Variants in SLC35A5 observed in about 807,000 individuals in gnomAD.
The protein encoded by SLC35A5 is UDP-sugar transporter protein SLC35A5.
In SLC35A5, 28 loss-of-function variants were observed where a neutral mutation model predicts 36.3. The observed-to-expected ratio is 0.77, with a 90% confidence interval of 0.57 to 1.06. SLC35A5 has a LOEUF of 1.06. SLC35A5 is among the 50% of genes least tolerant of loss of function. The probability of loss-of-function intolerance (pLI) is 0.00; values close to 1 mark genes in which losing one functional copy is unlikely to be tolerated. For synonymous variants in SLC35A5, 180 were observed against 173.7 expected, an observed-to-expected ratio of 1.04 and a Z score of -0.29; for missense variants, 521 against 499.3, an observed-to-expected ratio of 1.04 and a Z score of -0.41.
rs1277010211 is a variant in SLC35A5 at position 112,569,412 on chromosome 3, G to T, written c.229+143G>T. The T allele has an allele frequency of 4.5e-6, 3 of 664,952 alleles. No homozygotes were observed. In the Admixed American group the frequency reaches 8.5e-5, roughly 19 times the overall value. The allele number at this position is 664,952 out of a possible 1,614,324, so 41.2% of individuals were successfully genotyped here. A position where few individuals can be genotyped will look rare whatever the true frequency, so the allele number is the denominator to read the frequency against. On this transcript the variant is annotated intron_variant, in intron 3 of 6. Coordinates refer to ENST00000492406, the MANE Select transcript of SLC35A5 (RefSeq NM_017945.5). ...GATACAAACATAAGTATGTTTTAGA[G>T]GTGGAGAAACAAGCTCAAAGAGAAA...
chr3:112,577,530 C>T (rs1934725712), intron 5 of SLC35A5, among the ~76,000 whole-genome samples: 1 of 152,176 alleles, frequency 6.6e-6, no homozygotes, highest in Admixed American at 6.5e-5. Flanking sequence ...AGCAAAGTTG[C>T]ACAATTTTGT....
intron 4 of SLC35A5, 103 bp downstream of exon 4, chr3:112,570,773 T>A: frequency 8.9e-7 from 1 of 1,117,954 alleles, no homozygotes; most frequent in Non-Finnish European, 1.2e-6. Context: ...TAGTTTCTCA[T>A]TGTCCTCACT....
rs1380338400 is a variant in SLC35A5 at position 112,584,967 on chromosome 3, T to TATA, written c.*2233_*2235dup. 1 of 152,164 alleles carries TATA rather than the reference T, an allele frequency of 6.6e-6. No individual in the cohort carries two copies. The highest frequency in any genetic ancestry group is 2.4e-5 in the African/African-American group (1 of 41,440). The allele number at this position is 152,164 out of a possible 1,614,324, so 9.4% of individuals were successfully genotyped here. On this transcript the variant is annotated 3_prime_UTR_variant, in exon 7 of 7. Coordinates refer to ENST00000492406, the MANE Select transcript of SLC35A5 (RefSeq NM_017945.5). ...AAATCAAATACCACATGTTCTCACT[T>TATA]ATAAGTGGGAGCTAAACAGTGGGTA...
At position 112,580,611 on chromosome 3, in the gene SLC35A5, C is replaced by A; in HGVS notation, c.494C>A (p.Thr165Asn). The A allele has an allele frequency of 2.5e-6, 4 of 1,614,096 alleles. No individual in the cohort carries two copies. The highest frequency in any genetic ancestry group is 3.4e-6 in the Non-Finnish European group (4 of 1,179,956). Residue 165 changes from threonine to asparagine, a missense_variant, in exon 6 of 7, where the codon ACT (threonine) becomes AAT (asparagine). Coordinates refer to ENST00000492406, the MANE Select transcript of SLC35A5 (RefSeq NM_017945.5). Reference protein sequence around the residue: ...LTLFLSIVALTAGTKTLQHNL... With the variant: ...LTLFLSIVALNAGTKTLQHNL... ...TTATTTTTGTCTATTGTGGCCTTGA[C>A]TGCCGGGACTAAAACTTTACAGCAC...
At position 112,563,390 on chromosome 3, in the gene SLC35A5, TA is replaced by T. The variant is rs745690510; in HGVS notation, c.-8del. On this transcript the variant is annotated 5_prime_UTR_variant, in exon 2 of 7. Transcript: ENST00000492406. Reference sequence around the variant, plus strand: ...AAAGTGTTTTTCTCTTTAAGGTAATTAAAAAACAGTGGAATGGAAAAACAGT... The same window carrying T: ...AAAGTGTTTTTCTCTTTAAGGTAATTAAAAACAGTGGAATGGAAAAACAGT... 4 of 1,489,338 alleles carry T rather than the reference TA, an allele frequency of 2.7e-6. No homozygotes were observed. Among genetic ancestry groups the T allele is most frequent in the Admixed American group, 3.8e-5 (2 of 53,092 alleles). 92.3% of individuals were successfully genotyped at this position (1,489,338 alleles called of 1,614,324 possible). A position where few individuals can be genotyped will look rare whatever the true frequency, so the allele number is the denominator to read the frequency against.
rs536001823 is a variant in SLC35A5, at chr3:112,562,138, G to A, written c.-155G>A. 6.4e-6 allele frequency: 1 copy of A among 156,418 alleles called. No homozygotes were observed. Among genetic ancestry groups the A allele is most frequent in the Non-Finnish European group, 1.4e-5 (1 of 70,628 alleles). The allele number at this position is 156,418 out of a possible 1,614,324, so 9.7% of individuals were successfully genotyped here. ...TTCTGCAATAGGCGGCTTAGAGGGA[G>A]GGGCTTTTTCGCCTATACCTACTGT... On this transcript the variant is annotated 5_prime_UTR_variant, in exon 1 of 7. Transcript: ENST00000492406.
intron 2 of SLC35A5, among the ~76,000 whole-genome samples, chr3:112,568,916 T>C (rs1189882522): frequency 6.6e-6 from 1 of 152,208 alleles, no homozygotes; most frequent in East Asian, 1.9e-4. Context: ...GCCTCCTTAA[T>C]GTATTAGCAA....
chr3:112,561,493 T>G, upstream of SLC35A5: 1 of 1,607,918 alleles, frequency 6.2e-7, no homozygotes, highest in Admixed American at 1.7e-5. Flanking sequence ...CCACTTCCAG[T>G]GCCTTTCCCT....
chr3:112,568,134 A>G (rs1934280258), intron 2 of SLC35A5, among the ~76,000 whole-genome samples: 1 of 152,220 alleles, frequency 6.6e-6, no homozygotes, highest in Non-Finnish European at 1.5e-5. Context: ...ACACACTTCC[A>G]ATGAGACAAG....
intron 2 of SLC35A5, among the ~76,000 whole-genome samples, chr3:112,568,333 G>A (rs1381300124): frequency 6.6e-6 from 1 of 152,210 alleles, no homozygotes; most frequent in Non-Finnish European, 1.5e-5. Context: ...AGAGAAGCAA[G>A]CAAATGTCTT....
intron 2 of SLC35A5, among the ~76,000 whole-genome samples, chr3:112,563,789 TAATTC>T (rs1295634006): frequency 3.9e-5 from 6 of 152,378 alleles, no homozygotes; most frequent in Admixed American, 2.6e-4. Flanking sequence ...ATTTGACTGT[TAATTC>T]AATCAACAGG....
chr3:112,572,012 G>A (rs1173006212), intron 4 of SLC35A5, among the ~76,000 whole-genome samples: 11 of 128,080 alleles, frequency 8.6e-5, no homozygotes, highest in Admixed American at 6.0e-4. Flanking sequence ...GCGCAATCTC[G>A]GCTCACTGCA....
chr3:112,569,648 A>G (rs1219405867), intron 3 of SLC35A5, among the ~76,000 whole-genome samples: 1 of 152,244 alleles, frequency 6.6e-6, no homozygotes, highest in Non-Finnish European at 1.5e-5. Flanking sequence ...GGAAGGTAGC[A>G]TAGTGCACAG....
intron 5 of SLC35A5, among the ~76,000 whole-genome samples, chr3:112,579,201 G>A (rs1263478303): frequency 6.6e-6 from 1 of 152,136 alleles, no homozygotes; most frequent in African/African-American, 2.4e-5. Flanking sequence ...GCAGAAGGAA[G>A]ACATACAAAA....
Position 112,569,235 on chromosome 3 carries a change from C to G in SLC35A5, c.195C>G (p.Phe65Leu). Residue 65 changes from phenylalanine (F) to leucine (L), a missense_variant, in exon 3 of 7, where the codon TTC becomes TTG. Physicochemically the swap from Phe to Leu is conservative, Grantham distance 22 (BLOSUM62 0). Transcript: ENST00000492406. ...GCTCAGAACTGGTGAAGCTAGTTTT[C>G]TGTGTGCTTGTGTCATTCTGTGTTA... The part of the protein sequence containing the change: ...NVCSELVKLV[F>L]CVLVSFCVIK... 1 of 1,613,954 alleles carries G rather than the reference C, an allele frequency of 6.2e-7. No individual in the cohort carries two copies.
At chr3:112,571,505 G>A (rs1305798779) in intron 4 of SLC35A5, among the ~76,000 whole-genome samples, 1 of 152,174 alleles carries the variant, frequency 6.6e-6, no homozygotes, top group Non-Finnish European at 1.5e-5. Flanking sequence ...AAATCAGAGT[G>A]GGATGAAAAG....
At chr3:112,566,688 G>T (rs1934210113) in intron 2 of SLC35A5, among the ~76,000 whole-genome samples, 1 of 152,218 alleles carries the variant, frequency 6.6e-6, no homozygotes, top group Non-Finnish European at 1.5e-5. Flanking sequence ...ACCCTTTAGA[G>T]TTAAGAATGA....
chr3:112,581,035 A>G lies in SLC35A5; in HGVS notation c.918A>G (p.Ser306=). 1 of 1,614,086 alleles carries G rather than the reference A, an allele frequency of 6.2e-7. No homozygotes were observed. Among genetic ancestry groups the G allele is most frequent in the Non-Finnish European group, 8.5e-7 (1 of 1,179,966 alleles). The change falls in exon 6 of 7, where the codon TCA becomes TCG. Residue 306 remains serine, a synonymous_variant. Transcript: ENST00000492406. ...TTTTTTATGGCCACAGTGCATTTTC[A>G]GTAGCCCTTATTTTTGTAACTGCAT... ...CGFFYGHSAF[S]VALIFVTAFQ...
chr3:112,572,634 T>A (rs187435204), intron 4 of SLC35A5, among the ~76,000 whole-genome samples: 2 of 152,354 alleles, frequency 1.3e-5, no homozygotes, highest in African/African-American at 2.4e-5. Context: ...CCTTCCTGAT[T>A]GTGAACAACC....
Sources: gnomAD v4.1 joint callset for allele counts (sites outside exome capture counted in the v4.1 genomes callset) on GRCh38, gnomAD v4.1.1 for gene constraint, MANE v1.5 for transcripts, NCBI Gene and HGNC (gene_info 2026-07-23, HGNC 2026-07-21) for gene names.